ADAMTSL1: variants seen among roughly 807,000 people sequenced by gnomAD.
ADAMTSL1 encodes ADAMTS-like protein 1.
In ADAMTSL1, 126 loss-of-function variants were observed where a neutral mutation model predicts 201.8. The observed-to-expected ratio is 0.62, with a 90% CI of 0.54 to 0.72. The LOEUF (loss-of-function observed/expected upper bound fraction) is 0.72, where lower values mean the gene tolerates loss of function less well. Ranked by LOEUF, ADAMTSL1 falls within the 30% of genes least tolerant of loss-of-function variation. ADAMTSL1 has a pLI of 0.00. For synonymous variants in ADAMTSL1, 1,121 were observed against 903.4 expected (o/e 1.24, Z -4.32); for missense variants, 2,679 against 2,277.8 (o/e 1.18, Z -3.59).
intron 4 of ADAMTSL1, among the ~76,000 whole-genome samples, chr9:18,607,615 T>C (rs1587696351): frequency 6.6e-6 from 1 of 152,120 alleles, no homozygotes; most frequent in African/African-American, 2.4e-5. Context: ...TTAGGGTACA[T>C]GTGCACAACA....
intron 23 of ADAMTSL1, 107 bp from the exon 24 acceptor site, chr9:18,887,724 C>A: frequency 9.9e-7 from 1 of 1,009,692 alleles, no homozygotes; most frequent in Non-Finnish European, 1.5e-6. Context: ...ACAGACAAGG[C>A]CACATTGTGT....
chr9:18,785,162 TA>T (rs36065274), intron 19 of ADAMTSL1, among the ~76,000 whole-genome samples: 2,432 of 147,288 alleles, frequency 0.017, 46 homozygotes, highest in African/African-American at 0.051. Context: ...AGACTCCGTC[TA>T]AAAAAAAAAA....
At chr9:18,030,676 T>G (rs901928219) in intron 1 of ADAMTSL1, among the ~76,000 whole-genome samples, 7 of 152,146 alleles carry the variant, frequency 4.6e-5, no homozygotes, top group Admixed American at 3.3e-4. Flanking sequence ...TTTCTTGAAT[T>G]TGCATGAAAT....
At chr9:18,085,696 G>A (rs1164354245) in intron 1 of ADAMTSL1, among the ~76,000 whole-genome samples, 2 of 147,250 alleles carry the variant, frequency 1.4e-5, no homozygotes, top group South Asian at 2.1e-4. Flanking sequence ...GTGTGTGTGT[G>A]TATATATATA....
At chr9:18,023,144 A>G (rs1820548889) in intron 1 of ADAMTSL1, among the ~76,000 whole-genome samples, 1 of 152,080 alleles carries the variant, frequency 6.6e-6, no homozygotes, top group Admixed American at 6.6e-5. Context: ...TATTTACTAT[A>G]TATATGTATA....
At chr9:18,275,627 C>T (rs927062219) in intron 2 of ADAMTSL1, among the ~76,000 whole-genome samples, 10 of 152,046 alleles carry the variant, frequency 6.6e-5, no homozygotes, top group South Asian at 2.1e-4. Flanking sequence ...TAATGTATTA[C>T]GTCTAAATTG....
chr9:18,800,761 A>AT, intron 20 of ADAMTSL1, among the ~76,000 whole-genome samples: 1 of 152,172 alleles, frequency 6.6e-6, no homozygotes, highest in Non-Finnish European at 1.5e-5. Context: ...AGGTGGTGGG[A>AT]TATACCACAT....
chr9:17,936,748 G>A (rs1193341052), intron 1 of ADAMTSL1, among the ~76,000 whole-genome samples: 3 of 151,994 alleles, frequency 2.0e-5, no homozygotes, highest in East Asian at 1.9e-4. Context: ...CCCCAACCTC[G>A]CCACCGCCTG....
chr9:18,089,238 T>C (rs576361740), intron 1 of ADAMTSL1, among the ~76,000 whole-genome samples: 56 of 152,182 alleles, frequency 3.7e-4, no homozygotes, highest in African/African-American at 1.3e-3. Flanking sequence ...AATGATAGAC[T>C]TGATAAAGAA....
chr9:18,452,993 C>G (rs1389340793), intron 2 of ADAMTSL1, among the ~76,000 whole-genome samples: 1 of 152,212 alleles, frequency 6.6e-6, no homozygotes, highest in Admixed American at 6.5e-5. Context: ...AGTAGGAGCT[C>G]TCCGCAGTGG....
intron 3 of ADAMTSL1, among the ~76,000 whole-genome samples, chr9:18,547,686 T>C (rs2132199442): frequency 6.6e-6 from 1 of 150,600 alleles, no homozygotes. Context: ...ATGAGAGTTT[T>C]CTCTGAAATT....
intron 2 of ADAMTSL1, among the ~76,000 whole-genome samples, chr9:18,347,090 C>A (rs576292904): frequency 6.6e-6 from 1 of 152,222 alleles, no homozygotes; most frequent in Admixed American, 6.5e-5. Flanking sequence ...AGAGGCTCAT[C>A]TTGTTTGAAA....
chr9:18,828,695 A>T (rs12375848), intron 22 of ADAMTSL1, among the ~76,000 whole-genome samples: 14,245 of 32,020 alleles, frequency 0.44, 3,701 homozygotes, highest in Non-Finnish European at 0.52. Flanking sequence ...TATATATATA[A>T]AATGTGTGTG....
At chr9:18,317,847 A>T (rs1054897181) in intron 2 of ADAMTSL1, among the ~76,000 whole-genome samples, 2 of 152,176 alleles carry the variant, frequency 1.3e-5, no homozygotes, top group African/African-American at 4.8e-5. Context: ...CTGAGGGCAA[A>T]CACCAGAGCT....
Position 18,504,868 on chromosome 9 carries a change from C to A in ADAMTSL1, c.103C>A (p.Leu35Ile). The A allele has an allele frequency of 6.2e-7, 1 of 1,613,996 alleles. No individual in the cohort carries two copies. Residue 35 changes from leucine (L) to isoleucine (I), a missense_variant, in exon 2 of 29, where the codon CTA becomes ATA. Coordinates refer to ENST00000380548, the MANE Select transcript of ADAMTSL1 (RefSeq NM_001040272.6). ...ACGCTCCGAGGAGGACCGGGACGGC[C>A]TATGGGATGCCTGGGGCCCATGGAG... ...TARSEEDRDGLWDAWGPWSEC... is the reference protein window; with the variant it reads ...TARSEEDRDGIWDAWGPWSEC...
chr9:18,001,318 A>C (rs1398299857), intron 1 of ADAMTSL1, among the ~76,000 whole-genome samples: 1 of 152,086 alleles, frequency 6.6e-6, no homozygotes, highest in Non-Finnish European at 1.5e-5. Flanking sequence ...TGACAGAAGT[A>C]ACTGTCCAAA....
intron 2 of ADAMTSL1, among the ~76,000 whole-genome samples, chr9:18,280,946 G>C (rs1260031651): frequency 1.4e-5 from 2 of 145,652 alleles, no homozygotes; most frequent in Non-Finnish European, 1.5e-5. Flanking sequence ...CATGATCATA[G>C]CTCACTGTAG....
intron 3 of ADAMTSL1, among the ~76,000 whole-genome samples, chr9:18,570,324 T>G (rs564617884): frequency 6.6e-6 from 1 of 152,124 alleles, no homozygotes; most frequent in Non-Finnish European, 1.5e-5. Flanking sequence ...TTGTAGATGG[T>G]AAATCTCTAT....
At chr9:18,511,986 T>C (rs189898421) in intron 2 of ADAMTSL1, among the ~76,000 whole-genome samples, 26 of 152,318 alleles carry the variant, frequency 1.7e-4, no homozygotes, top group Non-Finnish European at 3.5e-4. Context: ...TCTGGTGTTA[T>C]ATGTTATCAC....
Sources: allele counts gnomAD v4.1 joint callset (sites outside exome capture counted in the v4.1 genomes callset), GRCh38; gene constraint gnomAD v4.1.1; transcripts MANE v1.5; gene names NCBI Gene and HGNC (gene_info 2026-07-23, HGNC 2026-07-21).